The following PHF8 variants were observed in gnomAD, a reference collection of about 807,000 sequenced individuals.
The protein encoded by PHF8 is histone lysine demethylase PHF8.
In PHF8, 9 loss-of-function variants were observed where a neutral mutation model predicts 74.4. That is an observed-to-expected ratio of 0.12 (90% CI 0.07 to 0.21). The LOEUF (loss-of-function observed/expected upper bound fraction) is 0.21, where lower values mean the gene tolerates loss of function less well. Ranked by LOEUF, PHF8 falls within the 10% of genes least tolerant of loss-of-function variation. The pLI, the probability that PHF8 is intolerant of heterozygous loss-of-function variation, is 1.00. For missense variants in PHF8, 478 were observed against 816.6 expected (o/e 0.59, Z 5.05); for synonymous variants, 311 against 316.6 (o/e 0.98, Z 0.19).
chrX:53,966,787 G>A (rs2065195976), intron 18 of PHF8, among the ~76,000 whole-genome samples: 1 of 109,341 alleles, frequency 9.1e-6, no homozygotes, highest in Non-Finnish European at 1.9e-5. Context: ...AGGAAGTGAG[G>A]AGCGCCTCTT....
At chrX:53,963,161 T>C (rs1172636557) in intron 18 of PHF8, among the ~76,000 whole-genome samples, 1 of 112,072 alleles carries the variant, frequency 8.9e-6, no homozygotes, top group Non-Finnish European at 1.9e-5. Context: ...TTCTGATTCA[T>C]TCACCCAACA....
chrX:54,034,541 G>C (rs1231978678), intron 2 of PHF8, among the ~76,000 whole-genome samples: 2 of 111,639 alleles, frequency 1.8e-5, no homozygotes, highest in Non-Finnish European at 3.8e-5. Flanking sequence ...AGAATGAGTA[G>C]GCTGGGCACA....
chrX:54,028,019 C>CAA (rs2066297164), intron 2 of PHF8, among the ~76,000 whole-genome samples: 1 of 106,277 alleles, frequency 9.4e-6, no homozygotes, highest in Non-Finnish European at 1.9e-5. Context: ...CACACACACA[C>CAA]AATGGGGGGG....
chrX:53,952,432 CTT>C (rs1156298212), intron 19 of PHF8, among the ~76,000 whole-genome samples: 1 of 111,582 alleles, frequency 9.0e-6, no homozygotes, highest in Non-Finnish European at 1.9e-5. Context: ...ATTTTTGTAA[CTT>C]TTTCTAACTG....
intron 17 of PHF8, 61 bp from the exon 18 acceptor site, chrX:53,985,288 C>A: frequency 1.1e-6 from 1 of 909,215 alleles, no homozygotes; most frequent in South Asian, 2.1e-5. Flanking sequence ...GTAAATCGGT[C>A]ATCAGAATAC....
chrX:54,001,353 A>G (rs1401379136), intron 10 of PHF8, among the ~76,000 whole-genome samples: 1 of 109,010 alleles, frequency 9.2e-6, no homozygotes, highest in Admixed American at 9.8e-5. Context: ...AAAAAAAAGT[A>G]TAAAAACTAG....
intron 14 of PHF8, 114 bp downstream of exon 14, chrX:53,992,622 G>A: frequency 1.9e-6 from 1 of 519,019 alleles, no homozygotes; most frequent in Non-Finnish European, 3.5e-6. Context: ...ATTGCCCTAA[G>A]TACAGTCCCT....
chrX:54,038,006 A>T (rs1296537140), intron 2 of PHF8, among the ~76,000 whole-genome samples: 1 of 112,678 alleles, frequency 8.9e-6, no homozygotes, highest in Non-Finnish European at 1.9e-5. Context: ...TCCCTTGGGC[A>T]TGTATCAACC....
Position 54,023,280 on chromosome X carries a change from T to A in PHF8, c.99-437A>T, listed in dbSNP as rs782747124. On this transcript the variant is annotated intron_variant, in intron 2 of 21. Coordinates refer to ENST00000338154, the MANE Select transcript of PHF8 (RefSeq NM_015107.3). ...GTGTGAGCCACCACGCCCAGCCTTA[T>A]AACCTAATTTTTAAACTTGAGATAC... 3.6e-5 allele frequency among the ~76,000 whole-genome samples: 4 copies of A among 111,034 alleles called. No individual in the cohort carries two copies. In the South Asian group the frequency reaches 1.5e-3, roughly 42 times the overall value.
upstream of PHF8, among the ~76,000 whole-genome samples, chrX:54,046,949 C>A (rs1557117599): frequency 8.9e-6 from 1 of 112,473 alleles, no homozygotes; most frequent in African/African-American, 3.2e-5. Flanking sequence ...CAGGCAGCTC[C>A]AACACCACCT....
At chrX:54,031,638 C>G (rs1296455750) in intron 2 of PHF8, among the ~76,000 whole-genome samples, 1 of 109,893 alleles carries the variant, frequency 9.1e-6, no homozygotes, top group Non-Finnish European at 1.9e-5. Flanking sequence ...TCAGTCTCTG[C>G]CCCATTACTC....
At chrX:53,972,020 A>G (rs1557094692) in intron 18 of PHF8, among the ~76,000 whole-genome samples, 1 of 111,403 alleles carries the variant, frequency 9.0e-6, no homozygotes, top group African/African-American at 3.3e-5. Context: ...CCTGGCAGAG[A>G]TACAACAAAA....
At chrX:53,944,615 G>A (rs782022975) in intron 19 of PHF8, 20 of 174,957 alleles carry the variant, frequency 1.1e-4, no homozygotes, top group Non-Finnish European at 1.5e-4. Flanking sequence ...CTACTTGGGA[G>A]GCTGAAGTGG....
In PHF8 at chrX:54,011,181, T is replaced by C. The variant is rs1458715289; in HGVS notation, c.887A>G (p.Gln296Arg). ...SNQNEMFFGD[Q>R]VDKCYKCSVK... ...GGAACACTTGTAGCACTTGTCCACC[T>C]GGTCCCCAAAGAACATCTCATTCTG... The change falls in exon 8 of 22, where the codon CAG becomes CGG. Residue 296 changes from glutamine (Q) to arginine (R), a missense_variant. This residue lies in a region of PHF8 where 70 missense variants were observed against 234.1 expected (regional missense o/e 0.30). Transcript: ENST00000338154. The C allele has an allele frequency of 8.3e-7, 1 of 1,207,186 alleles. No homozygotes were observed. Among genetic ancestry groups the C allele is most frequent in the East Asian group, 3.0e-5 (1 of 33,790 alleles).
In PHF8 at chrX:54,043,001, G is replaced by C. The variant is rs1187723784; in HGVS notation, c.-92-181C>G. The C allele has an allele frequency of 1.0e-5, 5 of 502,485 alleles. No homozygotes were observed. In the Admixed American group the frequency reaches 1.9e-4, roughly 19 times the overall value. 41.4% of individuals were successfully genotyped at this position (502,485 alleles called of 1,213,427 possible). A position where few individuals can be genotyped will look rare whatever the true frequency, so the allele number is the denominator to read the frequency against. ...GAATTTCTTTCACACGTAAAGAACG[G>C]AGCTCAACCTTCCAGGCTTCCCACC... On this transcript the variant is annotated intron_variant, in intron 1 of 21. Transcript: ENST00000338154.
At chrX:53,985,329 C>A (rs1557099234) in intron 17 of PHF8, 102 bp from the exon 18 acceptor site, 2 of 685,070 alleles carry the variant, frequency 2.9e-6, no homozygotes, top group Admixed American at 2.8e-5. Flanking sequence ...CTATGAGGAT[C>A]AAAGTGGGAG....
chrX:54,032,981 T>C (rs1390812952), intron 2 of PHF8, among the ~76,000 whole-genome samples: 5 of 110,713 alleles, frequency 4.5e-5, no homozygotes, highest in Admixed American at 2.9e-4. Context: ...CTGGACAATA[T>C]ATACAAAACA....
At chrX:54,041,056 G>A (rs1603346738) in intron 2 of PHF8, among the ~76,000 whole-genome samples, 1 of 111,792 alleles carries the variant, frequency 8.9e-6, no homozygotes, top group African/African-American at 3.2e-5. Context: ...AGCAGCACCA[G>A]CACCTATAGT....
At chrX:54,016,365 G>T (rs782681317) in intron 6 of PHF8, among the ~76,000 whole-genome samples, 5 of 109,807 alleles carry the variant, frequency 4.6e-5, no homozygotes, top group Non-Finnish European at 9.5e-5. Context: ...ATGGTGGCGG[G>T]CGCCTGTAAT....
Sources: allele counts gnomAD v4.1 joint callset (sites outside exome capture counted in the v4.1 genomes callset), GRCh38; gene constraint gnomAD v4.1.1; regional missense constraint gnomAD v4.1.1; transcripts MANE v1.5; gene names NCBI Gene and HGNC (gene_info 2026-07-23, HGNC 2026-07-21).